The following ANGEL2 variants were observed in gnomAD, a reference collection of about 807,000 sequenced individuals.
ANGEL2 encodes angel homolog 2.
In ANGEL2, 41 loss-of-function variants were observed where a neutral mutation model predicts 66.0. The ratio of observed to expected loss-of-function variants is 0.62; its 90% CI spans 0.48 to 0.81. The LOEUF is 0.81. Among genes scored for constraint, ANGEL2 ranks in the 30% least tolerant of loss-of-function variants. The pLI is 0.00. For missense variants in ANGEL2, 561 were observed against 641.6 expected (o/e 0.87, Z 1.36); for synonymous variants, 208 against 226.5 (o/e 0.92, Z 0.73).
chr1:213,000,752 C>T, intron 6 of ANGEL2, 34 bp downstream of exon 6: 1 of 1,578,460 alleles, frequency 6.3e-7, no homozygotes, highest in Non-Finnish European at 8.5e-7. Context: ...CATGATTACC[C>T]AGCAGACTGC....
chr1:213,008,760 G>T (rs769108364), intron 2 of ANGEL2, among the ~76,000 whole-genome samples: 2 of 152,186 alleles, frequency 1.3e-5, no homozygotes, highest in Non-Finnish European at 2.9e-5. Flanking sequence ...AGAGGTTGTG[G>T]TTTCTCACTT....
rs1304786599 is a variant in ANGEL2 at position 212,993,919 on chromosome 1, A to G, written c.*1122T>C. 6.6e-6 allele frequency: 1 copy of G among 152,236 alleles called. No individual in the cohort carries two copies. 9.4% of individuals were successfully genotyped at this position (152,236 alleles called of 1,614,324 possible). On this transcript the variant is annotated 3_prime_UTR_variant, in exon 9 of 9. Transcript: ENST00000366962. ...TTCCAAAGACAAATTTCCTAATAAA[A>G]TAAATTTCTATAGAACTGGTTCAGT... is the stretch of plus-strand genomic sequence containing the variant.
chr1:212,997,396 A>C (rs1350112065), intron 7 of ANGEL2, 78 bp from the exon 8 acceptor site: 1 of 1,319,090 alleles, frequency 7.6e-7, no homozygotes, highest in Non-Finnish European at 1.1e-6. Flanking sequence ...TTTCTTTTTC[A>C]CTTAATTTCT....
At position 213,001,037 on chromosome 1, in the gene ANGEL2, TAA is replaced by T. The variant is rs554301245; in HGVS notation, c.1135-127_1135-126del. 3.8e-4 allele frequency: 330 copies of T among 861,280 alleles called. 5 individuals are homozygous for T. The East Asian group carries it at 9.9e-3, about 26-fold the overall frequency. The allele number at this position is 861,280 out of a possible 1,614,324, so 53.4% of individuals were successfully genotyped here. ...AATTATTACCCTTTATTCATTGTAT[TAA>T]GTGATTCTTTGGACTTATAAAATCT... is the stretch of plus-strand genomic sequence containing the variant. On this transcript the variant is annotated intron_variant, in intron 5 of 8. Transcript: ENST00000366962.
At chr1:213,008,807 T>C (rs1033718030) in intron 2 of ANGEL2, among the ~76,000 whole-genome samples, 1 of 152,248 alleles carries the variant, frequency 6.6e-6, no homozygotes, top group Non-Finnish European at 1.5e-5. Flanking sequence ...ACAGATGTGA[T>C]TGGCAGTTTT....
chr1:212,998,606 C>T (rs111421845), intron 7 of ANGEL2, among the ~76,000 whole-genome samples: 22,672 of 146,796 alleles, frequency 0.15, 4,836 homozygotes, highest in African/African-American at 0.49. Context: ...ACTGCAACCT[C>T]CACCTCCCAG....
chr1:213,012,460 T>C (rs996006459), intron 2 of ANGEL2, among the ~76,000 whole-genome samples: 11 of 152,122 alleles, frequency 7.2e-5, no homozygotes, highest in African/African-American at 2.7e-4. Flanking sequence ...AGAAAGAATA[T>C]GAAAAAATAG....
chr1:212,997,145 C>T lies in ANGEL2; in HGVS notation c.1483+10G>A. Reference sequence around the variant, plus strand: ...CTCTAGGAGAATTTAAGATTACATGCATTCCTTACCTGGGTGCCCAGCAAC... The same window carrying T: ...CTCTAGGAGAATTTAAGATTACATGTATTCCTTACCTGGGTGCCCAGCAAC... On this transcript the variant is annotated intron_variant, in intron 8 of 8. Transcript: ENST00000366962. 2 of 1,609,514 alleles carry T rather than the reference C, an allele frequency of 1.2e-6. No homozygotes were observed. Among genetic ancestry groups the T allele is most frequent in the Non-Finnish European group, 1.7e-6 (2 of 1,176,590 alleles).
chr1:213,002,135 T>C (rs2076194377), intron 5 of ANGEL2: 1 of 152,418 alleles, frequency 6.6e-6, no homozygotes, highest in South Asian at 2.1e-4. Context: ...AGCTATAGCC[T>C]ATGAAATGTA....
Position 212,995,089 on chromosome 1 carries a change from G to A in ANGEL2, c.1587C>T (p.Asn529=). Reference sequence around the variant, plus strand: ...CCAATAAAGGCAGATGATCTGAAGAGTTATTTTCGTTTGGAAGTCCATTAA... The same window carrying A: ...CCAATAAAGGCAGATGATCTGAAGAATTATTTTCGTTTGGAAGTCCATTAA... ...WTVNGLPNEN[N]SSDHLPLLAK... Residue 529 remains asparagine (N), a synonymous_variant, in exon 9 of 9, where the codon AAC becomes AAT. Coordinates refer to ENST00000366962, the MANE Select transcript of ANGEL2 (RefSeq NM_144567.5). 1 of 1,612,702 alleles carries A rather than the reference G, an allele frequency of 6.2e-7. No homozygotes were observed. Among genetic ancestry groups the A allele is most frequent in the South Asian group, 1.1e-5 (1 of 90,898 alleles).
At chr1:213,012,294 T>A (rs200735798) in intron 2 of ANGEL2, among the ~76,000 whole-genome samples, 1 of 152 alleles carries the variant, frequency 6.6e-3, no homozygotes, top group Non-Finnish European at 0.042. Flanking sequence ...TTCTCTCAAG[T>A]TATCTTCAGA....
In ANGEL2 at chr1:213,005,469, TG is replaced by T; in HGVS notation, c.713-16del. 1 of 1,552,536 alleles carries T rather than the reference TG, an allele frequency of 6.4e-7. No individual in the cohort carries two copies. The highest frequency in any genetic ancestry group is 1.4e-5 in the African/African-American group (1 of 72,994). On this transcript the variant is annotated splice_polypyrimidine_tract_variant and intron_variant, in intron 4 of 8. Transcript: ENST00000366962. Reference sequence around the variant, plus strand: ...ACAGTGATAACCTACAAGAAACAAATGAATTTAAAACAAATGACTGCTTTTA... The same window carrying T: ...ACAGTGATAACCTACAAGAAACAAATAATTTAAAACAAATGACTGCTTTTA...
chr1:213,011,060 G>A (rs2076495454), intron 2 of ANGEL2: 9 of 789,918 alleles, frequency 1.1e-5, no homozygotes, highest in Non-Finnish European at 1.6e-5. Context: ...ATTTTATACT[G>A]ACCACATTTG....
chr1:213,007,100 A>G (rs2076353933), intron 4 of ANGEL2, 29 bp downstream of exon 4: 1 of 445,784 alleles, frequency 2.2e-6, no homozygotes, highest in Non-Finnish European at 3.0e-6. Flanking sequence ...CTCAAAAAAG[A>G]AAAAAAAAAA....
At chr1:212,998,700 G>A (rs1400971880) in intron 7 of ANGEL2, among the ~76,000 whole-genome samples, 2 of 147,246 alleles carry the variant, frequency 1.4e-5, no homozygotes, top group East Asian at 4.1e-4. Context: ...TTTTTTTTTT[G>A]TATCTTTAGT....
At chr1:213,008,167 A>G (rs537590143) in intron 3 of ANGEL2, 43 bp downstream of exon 3, 3 of 1,590,806 alleles carry the variant, frequency 1.9e-6, no homozygotes, top group East Asian at 4.5e-5. Flanking sequence ...CCCGGCCCCA[A>G]CTTTTTCTTA....
At chr1:213,013,518 T>G (rs1425551329) in intron 1 of ANGEL2, 100 bp from the exon 2 acceptor site, 3 of 1,123,502 alleles carry the variant, frequency 2.7e-6, no homozygotes, top group Non-Finnish European at 3.8e-6. Flanking sequence ...TGTCTAATAT[T>G]TAAAATCTGG....
At chr1:213,009,403 C>CA (rs1387213615) in intron 2 of ANGEL2, among the ~76,000 whole-genome samples, 2 of 151,558 alleles carry the variant, frequency 1.3e-5, no homozygotes, top group Non-Finnish European at 2.9e-5. Flanking sequence ...AAAGAGAAAA[C>CA]AAAAAAATGG....
At chr1:212,999,478 A>G (rs565322239) in intron 7 of ANGEL2, among the ~76,000 whole-genome samples, 1 of 152,336 alleles carries the variant, frequency 6.6e-6, no homozygotes, top group South Asian at 2.1e-4. Context: ...ATTTTTTTAA[A>G]AATTGCTTCC....
Sources: gnomAD v4.1 joint callset for allele counts (sites outside exome capture counted in the v4.1 genomes callset) on GRCh38, gnomAD v4.1.1 for gene constraint, MANE v1.5 for transcripts, NCBI Gene and HGNC (gene_info 2026-07-23, HGNC 2026-07-21) for gene names.